Variants in MPV17L2 observed in about 807,000 individuals in gnomAD.
MPV17L2 encodes the protein mpv17-like protein 2.
A neutral mutation model predicts 24.2 loss-of-function variants in MPV17L2; 25 were observed. The ratio of observed to expected loss-of-function variants is 1.03; its 90% CI spans 0.75 to 1.44. The LOEUF (loss-of-function observed/expected upper bound fraction) is 1.44, where lower values mean the gene tolerates loss of function less well. Among genes scored for constraint, MPV17L2 ranks in the 40% most tolerant of loss-of-function variants. The probability of loss-of-function intolerance (pLI) is 0.00; values close to 1 mark genes in which losing one functional copy is unlikely to be tolerated. For synonymous variants in MPV17L2, 130 were observed against 121.4 expected (o/e 1.07, Z -0.46); for missense variants, 271 against 276.2 (o/e 0.98, Z 0.13).
intron 3 of MPV17L2, 41 bp downstream of exon 3, chr19:18,194,894 C>T (rs1555818266): frequency 3.8e-6 from 6 of 1,590,232 alleles, no homozygotes; most frequent in South Asian, 3.4e-5. Context: ...GCCCCGCCCC[C>T]TGATGGCCGC....
rs186786292 is a variant in MPV17L2, at chr19:18,193,313, G to A, written c.32G>A (p.Arg11His). ...CGGGGTGGCTGGCGCCGGCTACGCC[G>A]CCTGTTATCCGCGGGGCAGCTTCTA... is the stretch of plus-strand genomic sequence containing the variant. MARGGWRRLR[R>H]LLSAGQLLFQ... The change falls in exon 1 of 5, where the codon CGC becomes CAC. Residue 11 changes from arginine (R) to histidine (H), a missense_variant. Arg to His is a conservative substitution (Grantham distance 29). Coordinates refer to ENST00000599612, the MANE Select transcript of MPV17L2 (RefSeq NM_032683.3). The A allele has an allele frequency of 9.6e-4, 1,491 of 1,552,566 alleles. 9 individuals are homozygous for A. The highest frequency in any genetic ancestry group is 6.4e-3 in the Middle Eastern group (28 of 4,352).
chr19:18,196,053 TG>T lies in MPV17L2; in HGVS notation c.620del (p.Ter207=). The T allele has an allele frequency of 1.2e-6, 2 of 1,614,112 alleles. No individual in the cohort carries two copies. Among genetic ancestry groups the T allele is most frequent in the Non-Finnish European group, 1.7e-6 (2 of 1,179,978 alleles). On this transcript the variant is annotated frameshift_variant and stop_lost, in exon 5 of 5. Transcript: ENST00000599612. LOFTEE classifies it high-confidence loss of function. Reference protein sequence around the residue: ...GCVALDTRAD* With the variant: ...GCVALDTRADX ...TGTGGCCCTGGACACCCGAGCAGACTGAACTGTCTGCTTCCTGGACCAGATG... is the reference window on the plus strand; with the variant it reads ...TGTGGCCCTGGACACCCGAGCAGACTAACTGTCTGCTTCCTGGACCAGATG...
intron 1 of MPV17L2, 125 bp downstream of exon 1, chr19:18,193,593 C>T: frequency 3.6e-6 from 5 of 1,404,796 alleles, no homozygotes; most frequent in Non-Finnish European, 9.3e-7. Context: ...GACCGCGCCT[C>T]TCCCCGGGTG....
At chr19:18,194,146 T>C in intron 2 of MPV17L2, 112 bp downstream of exon 2, 1 of 1,268,716 alleles carries the variant, frequency 7.9e-7, no homozygotes, top group Non-Finnish European at 1.1e-6. Flanking sequence ...CCTGTTTGGG[T>C]CGCCCTGGAC....
chr19:18,195,232 G>C (rs979318452), intron 4 of MPV17L2, 146 bp downstream of exon 4: 1 of 1,361,066 alleles, frequency 7.3e-7, no homozygotes, highest in African/African-American at 1.5e-5. Context: ...GGCTGGCGGA[G>C]AGCTCCTCAC....
intron 2 of MPV17L2, 86 bp from the exon 3 acceptor site, chr19:18,194,691 C>A (rs1372544945): frequency 1.5e-6 from 2 of 1,292,350 alleles, no homozygotes. Context: ...GGGGCCCAAC[C>A]CCGCCCCCTC....
At chr19:18,193,771 T>G (rs1023485605) in intron 1 of MPV17L2, 93 bp from the exon 2 acceptor site, 7 of 1,546,174 alleles carry the variant, frequency 4.5e-6, no homozygotes, top group Non-Finnish European at 6.1e-6. Context: ...GGGATGGCAT[T>G]GGGCTTACCC....
Position 18,196,810 on chromosome 19 carries a change from T to C in MPV17L2, c.*755T>C. ...CACAGGGACACACATGGATGGTCCA[T>C]TCGCTTTATTGGGTGCGTGTAGTGT... On this transcript the variant is annotated 3_prime_UTR_variant, in exon 5 of 5. Transcript: ENST00000599612. The C allele has an allele frequency of 3.4e-6, 1 of 294,004 alleles. No homozygotes were observed. The highest frequency in any genetic ancestry group is 2.2e-5 in the African/African-American group (1 of 45,874). The allele number at this position is 294,004 out of a possible 1,614,324, so 18.2% of individuals were successfully genotyped here.
intron 4 of MPV17L2, among the ~76,000 whole-genome samples, chr19:18,195,311 C>T (rs1015590441): frequency 1.2e-4 from 19 of 152,120 alleles, no homozygotes; most frequent in South Asian, 2.1e-4. Flanking sequence ...TTTGGGAGGC[C>T]GAAGCGGGTG....
At position 18,193,997 on chromosome 19, in the gene MPV17L2, G is replaced by A. The variant is rs1387114064; in HGVS notation, c.321G>A (p.Leu107=). The change falls in exon 2 of 5, where the codon CTG becomes CTA. Residue 107 remains leucine, a synonymous_variant. Transcript: ENST00000599612. ...TCAAGAAGGTCCTCGTGGATCAGCT[G>A]GTAGCCTCTCCATTGCTGGGCGTCT... is the stretch of plus-strand genomic sequence containing the variant. ...NVLKKVLVDQ[L]VASPLLGVWY... The A allele has an allele frequency of 6.2e-7, 1 of 1,614,210 alleles. No individual in the cohort carries two copies. The highest frequency in any genetic ancestry group is 8.5e-7 in the Non-Finnish European group (1 of 1,180,040).
At position 18,196,017 on chromosome 19, in the gene MPV17L2, C is replaced by G. The variant is rs777508945; in HGVS notation, c.583C>G (p.Pro195Ala). The change falls in exon 5 of 5, where the codon CCC becomes GCC. Residue 195 changes from proline to alanine, a missense_variant. Coordinates refer to ENST00000599612, the MANE Select transcript of MPV17L2 (RefSeq NM_032683.3). ...LKYRSPVPLT[P>A]PGCVALDTRA... Reference sequence around the variant, plus strand: ...TGGACAGAGCCCAGTTCCTCTGACACCCCCAGGCTGTGTGGCCCTGGACAC... The same window carrying G: ...TGGACAGAGCCCAGTTCCTCTGACAGCCCCAGGCTGTGTGGCCCTGGACAC... 6.2e-7 allele frequency: 1 copy of G among 1,612,148 alleles called. No homozygotes were observed. Among genetic ancestry groups the G allele is most frequent in the Non-Finnish European group, 8.5e-7 (1 of 1,178,892 alleles).
In MPV17L2 at chr19:18,196,622, T is replaced by G; in HGVS notation, c.*567T>G. 2.5e-6 allele frequency: 1 copy of G among 401,066 alleles called. No individual in the cohort carries two copies. The highest frequency in any genetic ancestry group is 2.1e-5 in the South Asian group (1 of 48,114). The allele number at this position is 401,066 out of a possible 1,614,324, so 24.8% of individuals were successfully genotyped here. On this transcript the variant is annotated 3_prime_UTR_variant, in exon 5 of 5. Coordinates refer to ENST00000599612, the MANE Select transcript of MPV17L2 (RefSeq NM_032683.3). ...GGCGCAGTGGCTCCCACCTGTAATC[T>G]CAGCCCTTCCCGAGGCTGAGGTGGA...
At chr19:18,193,805 A>G (rs1651570866) in intron 1 of MPV17L2, 59 bp from the exon 2 acceptor site, 4 of 1,590,040 alleles carry the variant, frequency 2.5e-6, no homozygotes, top group South Asian at 1.1e-5. Flanking sequence ...GGAGGGAGAG[A>G]GGGAATGGAC....
In MPV17L2 at chr19:18,196,127, G is replaced by A; in HGVS notation, c.*72G>A. 1 of 1,610,654 alleles carries A rather than the reference G, an allele frequency of 6.2e-7. No individual in the cohort carries two copies. The highest frequency in any genetic ancestry group is 8.5e-7 in the Non-Finnish European group (1 of 1,179,208). On this transcript the variant is annotated 3_prime_UTR_variant, in exon 5 of 5. Coordinates refer to ENST00000599612, the MANE Select transcript of MPV17L2 (RefSeq NM_032683.3). ...ACCCCCTCTGACAGAAGGGGAATGGGCTCCTGCAGCAAGCTCGGGTCTTGA... is the reference window on the plus strand; with the variant it reads ...ACCCCCTCTGACAGAAGGGGAATGGACTCCTGCAGCAAGCTCGGGTCTTGA...
chr19:18,195,524 A>G (rs1027414038), intron 4 of MPV17L2, among the ~76,000 whole-genome samples: 4 of 147,140 alleles, frequency 2.7e-5, no homozygotes, highest in Non-Finnish European at 4.5e-5. Context: ...TGACAGAGCG[A>G]GACTCCGTTT....
In MPV17L2 at chr19:18,193,253, G is replaced by A; in HGVS notation, c.-29G>A. On this transcript the variant is annotated 5_prime_UTR_variant, in exon 1 of 5. Coordinates refer to ENST00000599612, the MANE Select transcript of MPV17L2 (RefSeq NM_032683.3). Reference sequence around the variant, plus strand: ...TGGTCGGCGCGGCGAAAGCAGAGCGGCGCGCCGGTTCCTTGGTTCCTGAGG... The same window carrying A: ...TGGTCGGCGCGGCGAAAGCAGAGCGACGCGCCGGTTCCTTGGTTCCTGAGG... 6.9e-7 allele frequency: 1 copy of A among 1,453,712 alleles called. No individual in the cohort carries two copies. Among genetic ancestry groups the A allele is most frequent in the Non-Finnish European group, 9.0e-7 (1 of 1,109,970 alleles). 90.1% of individuals were successfully genotyped at this position (1,453,712 alleles called of 1,614,324 possible). A position where few individuals can be genotyped will look rare whatever the true frequency, so the allele number is the denominator to read the frequency against.
In MPV17L2 at chr19:18,193,422, G is replaced by A. The variant is rs774842333; in HGVS notation, c.141G>A (p.Trp47Ter). 5.1e-6 allele frequency: 8 copies of A among 1,561,000 alleles called. No homozygotes were observed. The South Asian group carries it at 9.3e-5, about 18-fold the overall frequency. Residue 47 changes from tryptophan to a stop codon, truncating the protein, a stop_gained, in exon 1 of 5, where the codon TGG becomes TGA. Transcript: ENST00000599612. LOFTEE classifies it high-confidence loss of function. ...CCGGTGATGGCGTGCGCCAGTCCTG[G>A]GAGATCCGCGCCCGGCCCGGCCAGG... is the stretch of plus-strand genomic sequence containing the variant. Reference protein sequence around the residue: ...MAAGDGVRQSWEIRARPGQVF... With the variant: ...MAAGDGVRQS
chr19:18,194,108 G>T (rs1967469892), intron 2 of MPV17L2, 74 bp downstream of exon 2: 2 of 1,511,484 alleles, frequency 1.3e-6, no homozygotes, highest in Non-Finnish European at 1.8e-6. Flanking sequence ...TGTTAAGAAG[G>T]ATGCAGAGGT....
rs755093331 is a variant in MPV17L2, at chr19:18,193,359, C to G, written c.78C>G (p.Leu26=). Residue 26 remains leucine, a synonymous_variant, in exon 1 of 5, where the codon CTC becomes CTG. Transcript: ENST00000599612. Reference sequence around the variant, plus strand: ...TTCTATTCCAGGGCCGCGCGCTGCTCGTCACTAACACGCTGGGCTGCGGCG... The same window carrying G: ...TTCTATTCCAGGGCCGCGCGCTGCTGGTCACTAACACGCTGGGCTGCGGCG... ...GQLLFQGRAL[L]VTNTLGCGAL... 2.6e-5 allele frequency: 40 copies of G among 1,567,740 alleles called. No homozygotes were observed. Among genetic ancestry groups the G allele is most frequent in the Non-Finnish European group, 1.4e-5 (16 of 1,162,512 alleles).
Sources: allele counts gnomAD v4.1 joint callset (sites outside exome capture counted in the v4.1 genomes callset), GRCh38; gene constraint gnomAD v4.1.1; transcripts MANE v1.5; gene names NCBI Gene and HGNC (gene_info 2026-07-23, HGNC 2026-07-21).